Variants in FHL5 observed in about 807,000 individuals in gnomAD.
FHL5 encodes the protein four and a half LIM domains protein 5.
Under a neutral mutation model 32.0 loss-of-function variants are expected in FHL5, and 33 were observed. That is an observed-to-expected ratio of 1.03 (90% CI 0.78 to 1.38). The LOEUF is 1.38. FHL5 is among the 40% of genes most tolerant of loss of function. The pLI is 0.00. For synonymous variants in FHL5, 114 were observed against 113.6 expected (o/e 1.00, Z -0.02); for missense variants, 336 against 343.9 (o/e 0.98, Z 0.18).
At chr6:96,596,858 T>C (rs570648911) in intron 1 of FHL5, among the ~76,000 whole-genome samples, 2 of 152,264 alleles carry the variant, frequency 1.3e-5, no homozygotes, top group African/African-American at 4.8e-5. Flanking sequence ...CTAGTTTCTC[T>C]TCCTGTACTC....
intron 1 of FHL5, among the ~76,000 whole-genome samples, chr6:96,574,649 G>A (rs577181914): frequency 6.6e-6 from 1 of 152,126 alleles, no homozygotes; most frequent in East Asian, 1.9e-4. Flanking sequence ...CCTTCCCAGG[G>A]TTTGAGAAAT....
intron 5 of FHL5, among the ~76,000 whole-genome samples, chr6:96,611,464 A>G (rs1404425258): frequency 6.6e-6 from 1 of 152,210 alleles, no homozygotes; most frequent in East Asian, 1.9e-4. Context: ...TTTTCCTCAG[A>G]GACACTTTTA....
At chr6:96,582,661 AC>A (rs1211642341) in intron 1 of FHL5, among the ~76,000 whole-genome samples, 1 of 152,152 alleles carries the variant, frequency 6.6e-6, no homozygotes, top group Non-Finnish European at 1.5e-5. Context: ...ACCTTTCCAC[AC>A]AAGACATTCA....
intron 1 of FHL5, among the ~76,000 whole-genome samples, chr6:96,602,512 T>A (rs1771175460): frequency 7.8e-6 from 1 of 128,192 alleles, no homozygotes; most frequent in Non-Finnish European, 1.6e-5. Context: ...AGTGGCACAA[T>A]CTCGGCTCAC....
intron 5 of FHL5, among the ~76,000 whole-genome samples, chr6:96,612,458 CT>C (rs2127975868): frequency 6.6e-6 from 1 of 152,250 alleles, no homozygotes; most frequent in South Asian, 2.1e-4. Flanking sequence ...TAATACTGAT[CT>C]GCAAAAAGCC....
At chr6:96,588,193 T>A (rs1034363305) in intron 1 of FHL5, among the ~76,000 whole-genome samples, 1 of 152,226 alleles carries the variant, frequency 6.6e-6, no homozygotes, top group Non-Finnish European at 1.5e-5. Context: ...TTTCAACACG[T>A]AAGAGTTCCT....
At chr6:96,604,209 C>G (rs554955447) in intron 2 of FHL5, among the ~76,000 whole-genome samples, 4 of 152,176 alleles carry the variant, frequency 2.6e-5, no homozygotes, top group Admixed American at 2.6e-4. Context: ...ATTGATACCT[C>G]TCACACCTAC....
chr6:96,582,352 G>GA (rs1000954894), intron 1 of FHL5, among the ~76,000 whole-genome samples: 340 of 149,268 alleles, frequency 2.3e-3, no homozygotes, highest in African/African-American at 6.9e-3. Context: ...ATCCCAGTGA[G>GA]AAAAAAAAAG....
In FHL5 at chr6:96,582,816, G is replaced by GT. The variant is rs925505282; in HGVS notation, c.-13+19469dup. On this transcript the variant is annotated intron_variant, in intron 1 of 5. Coordinates refer to ENST00000450218, the MANE Select transcript of FHL5 (RefSeq NM_001322466.2). Reference sequence around the variant, plus strand: ...AGTTATTTTTAAGATTGTTTGTTGAGTTTTTTTTAAGTAGCATTTGGGAGG... The same window carrying GT: ...AGTTATTTTTAAGATTGTTTGTTGAGTTTTTTTTTAAGTAGCATTTGGGAGG... 3.9e-5 allele frequency among the ~76,000 whole-genome samples: 6 copies of GT among 152,038 alleles called. No individual in the cohort carries two copies. In the South Asian group the frequency reaches 8.3e-4, roughly 21 times the overall value.
chr6:96,566,803 G>A (rs574574699), intron 1 of FHL5, among the ~76,000 whole-genome samples: 2 of 151,932 alleles, frequency 1.3e-5, no homozygotes, highest in East Asian at 3.9e-4. Flanking sequence ...GTCTTCTTTA[G>A]AGAGATGTCT....
chr6:96,610,518 G>A (rs1425618022), intron 4 of FHL5, 54 bp from the exon 5 acceptor site: 1 of 1,302,204 alleles, frequency 7.7e-7, no homozygotes, highest in Admixed American at 1.8e-5. Context: ...ATCATGAAAT[G>A]ATCTGAATTG....
At chr6:96,597,322 C>T (rs1771056122) in intron 1 of FHL5, among the ~76,000 whole-genome samples, 1 of 150,998 alleles carries the variant, frequency 6.6e-6, no homozygotes, top group Non-Finnish European at 1.5e-5. Flanking sequence ...ATGAATTTTC[C>T]CTTAAGGGGA....
intron 1 of FHL5, among the ~76,000 whole-genome samples, chr6:96,590,281 T>A (rs1027729737): frequency 6.6e-6 from 1 of 151,986 alleles, no homozygotes; most frequent in Non-Finnish European, 1.5e-5. Context: ...GAGCATGGTA[T>A]TTTCCTTCCA....
chr6:96,592,108 G>C (rs1017796880), intron 1 of FHL5, among the ~76,000 whole-genome samples: 1 of 152,084 alleles, frequency 6.6e-6, no homozygotes, highest in Non-Finnish European at 1.5e-5. Flanking sequence ...CAGGAGACAG[G>C]GTTTGAGAGC....
At chr6:96,587,531 T>C (rs747559404) in intron 1 of FHL5, among the ~76,000 whole-genome samples, 1 of 152,136 alleles carries the variant, frequency 6.6e-6, no homozygotes, top group East Asian at 1.9e-4. Flanking sequence ...AATTTTTATC[T>C]CTTAATTCCA....
intron 4 of FHL5, among the ~76,000 whole-genome samples, chr6:96,608,620 T>C (rs1486837029): frequency 6.6e-6 from 1 of 152,216 alleles, no homozygotes; most frequent in African/African-American, 2.4e-5. Context: ...CTACAAGTGC[T>C]TCAAATTCAA....
chr6:96,565,799 A>G (rs1463869333), intron 1 of FHL5, among the ~76,000 whole-genome samples: 1 of 152,110 alleles, frequency 6.6e-6, no homozygotes, highest in Non-Finnish European at 1.5e-5. Flanking sequence ...AAAACAATTT[A>G]AGTAACATGT....
intron 1 of FHL5, among the ~76,000 whole-genome samples, chr6:96,602,561 C>T (rs1223547891): frequency 6.7e-6 from 1 of 149,666 alleles, no homozygotes; most frequent in Non-Finnish European, 1.5e-5. Flanking sequence ...ATTCTTCTGC[C>T]TCAGCCTCCC....
At chr6:96,583,785 A>G (rs1184231688) in intron 1 of FHL5, among the ~76,000 whole-genome samples, 1 of 152,056 alleles carries the variant, frequency 6.6e-6, no homozygotes, top group African/African-American at 2.4e-5. Context: ...GCAGGACCTT[A>G]GGGCTTTAAC....
Sources: gnomAD v4.1 joint callset for allele counts (sites outside exome capture counted in the v4.1 genomes callset) on GRCh38, gnomAD v4.1.1 for gene constraint, MANE v1.5 for transcripts, NCBI Gene and HGNC (gene_info 2026-07-23, HGNC 2026-07-21) for gene names.